The following ZNF516 variants were observed in gnomAD, a reference collection of about 807,000 sequenced individuals.
ZNF516 encodes zinc finger protein 516.
A neutral mutation model predicts 79.7 loss-of-function variants in ZNF516; 19 were observed. That is an observed-to-expected ratio of 0.24 (90% CI 0.17 to 0.35). The LOEUF (loss-of-function observed/expected upper bound fraction) is 0.35, where lower values mean the gene tolerates loss of function less well. Ranked by LOEUF, ZNF516 falls within the 10% of genes least tolerant of loss-of-function variation. The pLI, the probability that ZNF516 is intolerant of heterozygous loss-of-function variation, is 1.00. For synonymous variants in ZNF516, 877 were observed against 739.5 expected (o/e 1.19, Z -3.02); for missense variants, 1,678 against 1,679.5 (o/e 1.00, Z 0.02).
At chr18:76,453,045 CATTTACT>C (rs1912513182) in intron 2 of ZNF516, among the ~76,000 whole-genome samples, 1 of 152,212 alleles carries the variant, frequency 6.6e-6, no homozygotes, top group Admixed American at 6.5e-5. Flanking sequence ...TGTTACTTGT[CATTTACT>C]ATTTACTATT....
At chr18:76,472,685 G>C (rs112905447) in intron 1 of ZNF516, among the ~76,000 whole-genome samples, 3 of 152,262 alleles carry the variant, frequency 2.0e-5, no homozygotes, top group South Asian at 2.1e-4. Context: ...AGTCCTTTAA[G>C]AGCAACCTGG....
At chr18:76,478,949 G>C (rs544272202) in intron 1 of ZNF516, among the ~76,000 whole-genome samples, 1 of 151,978 alleles carries the variant, frequency 6.6e-6, no homozygotes, top group Admixed American at 6.6e-5. Context: ...CCAGCTACTC[G>C]GGAGACTGAG....
At chr18:76,398,913 A>T (rs28742270) in intron 3 of ZNF516, among the ~76,000 whole-genome samples, 2,423 of 148,746 alleles carry the variant, frequency 0.016, 81 homozygotes, top group African/African-American at 0.057. Flanking sequence ...ATGAGTCTTT[A>T]AAAAAAAAAA....
At chr18:76,468,964 C>T (rs1913664532) in intron 1 of ZNF516, among the ~76,000 whole-genome samples, 1 of 152,206 alleles carries the variant, frequency 6.6e-6, no homozygotes, top group Admixed American at 6.5e-5. Flanking sequence ...CTAAACCACA[C>T]TGCTACAAAG....
intron 3 of ZNF516, among the ~76,000 whole-genome samples, chr18:76,408,708 G>C (rs996363184): frequency 1.3e-5 from 2 of 152,234 alleles, no homozygotes; most frequent in Non-Finnish European, 1.5e-5. Flanking sequence ...GTGAATGTTT[G>C]CATAGTGACA....
intron 3 of ZNF516, among the ~76,000 whole-genome samples, chr18:76,429,126 G>T (rs2075631080): frequency 6.6e-6 from 1 of 152,234 alleles, no homozygotes; most frequent in Non-Finnish European, 1.5e-5. Flanking sequence ...GAGCCAAGAA[G>T]ATGGGTCTGG....
intron 3 of ZNF516, among the ~76,000 whole-genome samples, chr18:76,404,361 T>TA (rs2075271742): frequency 1.3e-3 from 2 of 1,518 alleles, no homozygotes; most frequent in South Asian, 0.17. Context: ...ATACTACGTG[T>TA]AATGTGCATG....
chr18:76,407,363 T>C (rs2075316709), intron 3 of ZNF516, among the ~76,000 whole-genome samples: 1 of 152,186 alleles, frequency 6.6e-6, no homozygotes, highest in Admixed American at 6.5e-5. Flanking sequence ...AGATCAAGGT[T>C]GCAGTGAGCC....
At chr18:76,437,925 G>C (rs1382072856) in intron 3 of ZNF516, among the ~76,000 whole-genome samples, 1 of 152,218 alleles carries the variant, frequency 6.6e-6, no homozygotes, top group Non-Finnish European at 1.5e-5. Context: ...TCTAAAACTT[G>C]AGGGTGTCCC....
intron 3 of ZNF516, among the ~76,000 whole-genome samples, chr18:76,411,775 G>T (rs1464051469): frequency 6.6e-6 from 1 of 152,186 alleles, no homozygotes; most frequent in East Asian, 1.9e-4. Flanking sequence ...GGAGGTGGAT[G>T]GGACAGTCTC....
intron 1 of ZNF516, chr18:76,490,858 G>T: frequency 4.1e-6 from 4 of 985,494 alleles, no homozygotes; most frequent in Non-Finnish European, 2.4e-6. Context: ...CCCCTGGAAG[G>T]CCAGCCCAAC....
At chr18:76,371,634 C>T (rs1049124705) in intron 4 of ZNF516, 63 bp from the exon 5 acceptor site, 19 of 1,391,820 alleles carry the variant, frequency 1.4e-5, no homozygotes, top group Non-Finnish European at 1.7e-5. Flanking sequence ...GGTGAGGAGG[C>T]AGGAGAGCGA....
chr18:76,421,629 T>G (rs1453423034), intron 3 of ZNF516, among the ~76,000 whole-genome samples: 1 of 152,232 alleles, frequency 6.6e-6, no homozygotes, highest in African/African-American at 2.4e-5. Flanking sequence ...TGGAGTCTTT[T>G]CAAAACATCC....
chr18:76,437,685 C>T (rs910375914), intron 3 of ZNF516, among the ~76,000 whole-genome samples: 12 of 152,156 alleles, frequency 7.9e-5, no homozygotes, highest in African/African-American at 2.9e-4. Context: ...CACGCACATC[C>T]TCCCGTACAC....
intron 6 of ZNF516, among the ~76,000 whole-genome samples, chr18:76,367,567 T>C (rs2144906261): frequency 6.6e-6 from 1 of 152,226 alleles, no homozygotes. Context: ...GTGGAATGTG[T>C]TCCTCCACTC....
chr18:76,371,964 G>T (rs1008373146), intron 4 of ZNF516, among the ~76,000 whole-genome samples: 1 of 152,222 alleles, frequency 6.6e-6, no homozygotes, highest in East Asian at 1.9e-4. Flanking sequence ...TGGAAAATAG[G>T]AAGTGAGCGG....
chr18:76,399,649 G>A (rs2075191945), intron 3 of ZNF516, among the ~76,000 whole-genome samples: 1 of 152,236 alleles, frequency 6.6e-6, no homozygotes, highest in Non-Finnish European at 1.5e-5. Flanking sequence ...AGGAGGTTCA[G>A]GAAAACAGCA....
chr18:76,448,041 G>A (rs1264718628), intron 2 of ZNF516, among the ~76,000 whole-genome samples: 1 of 152,002 alleles, frequency 6.6e-6, no homozygotes, highest in Non-Finnish European at 1.5e-5. Flanking sequence ...TAAAAAACAG[G>A]AAGTAAAATG....
chr18:76,403,255 G>A (rs983000128), intron 3 of ZNF516, among the ~76,000 whole-genome samples: 1 of 152,160 alleles, frequency 6.6e-6, no homozygotes, highest in Non-Finnish European at 1.5e-5. Flanking sequence ...CCCTTGCCCA[G>A]GGCTGCCTGC....
Sources: allele counts gnomAD v4.1 joint callset (sites outside exome capture counted in the v4.1 genomes callset), GRCh38; gene constraint gnomAD v4.1.1; transcripts MANE v1.5; gene names NCBI Gene and HGNC (gene_info 2026-07-23, HGNC 2026-07-21).